The following SGK1 variants were observed in gnomAD, a reference collection of about 807,000 sequenced individuals.
SGK1 encodes serum/glucocorticoid regulated kinase 1.
Under a neutral mutation model 64.2 loss-of-function variants are expected in SGK1, and 26 were observed. The observed-to-expected ratio is 0.40, with a 90% CI of 0.30 to 0.56. SGK1 has a LOEUF of 0.56. SGK1 is among the 20% of genes least tolerant of loss of function. SGK1 has a pLI of 0.38. For synonymous variants in SGK1, 265 were observed against 239.7 expected (o/e 1.11, Z -0.98); for missense variants, 519 against 645.6 (o/e 0.80, Z 2.12).
intron 3 of SGK1, among the ~76,000 whole-genome samples, chr6:134,193,396 A>G (rs1308354707): frequency 6.6e-6 from 1 of 152,132 alleles, no homozygotes; most frequent in Non-Finnish European, 1.5e-5. Context: ...ACATCACATA[A>G]CTTCTAAATA....
At chr6:134,276,642 G>A (rs1484165506) in intron 1 of SGK1, among the ~76,000 whole-genome samples, 1 of 152,150 alleles carries the variant, frequency 6.6e-6, no homozygotes, top group African/African-American at 2.4e-5. Flanking sequence ...AAGCATCCTA[G>A]GTTAGAGGAA....
chr6:134,260,664 C>A (rs1315836169), intron 2 of SGK1: 13 of 54,762 alleles, frequency 2.4e-4, no homozygotes, highest in African/African-American at 7.8e-4. Flanking sequence ...AAGAGTGAAA[C>A]TCAAAAAAAA....
chr6:134,192,484 A>G (rs948725809), intron 3 of SGK1, among the ~76,000 whole-genome samples: 1 of 152,144 alleles, frequency 6.6e-6, no homozygotes, highest in Non-Finnish European at 1.5e-5. Context: ...ATCAACTTCA[A>G]TCAACTCTCT....
intron 4 of SGK1, 104 bp from the exon 5 acceptor site, chr6:134,174,184 C>G: frequency 1.2e-6 from 1 of 800,960 alleles, no homozygotes; most frequent in Non-Finnish European, 2.1e-6. Flanking sequence ...CCGGATAATT[C>G]ACTGTTTAAA....
intron 3 of SGK1, among the ~76,000 whole-genome samples, chr6:134,199,495 G>T (rs1775647907): frequency 6.7e-6 from 1 of 149,464 alleles, no homozygotes; most frequent in African/African-American, 2.5e-5. Context: ...AAAGGCGGAG[G>T]TTGCAGTGAG....
At chr6:134,209,204 C>A (rs1384954785) in intron 2 of SGK1, among the ~76,000 whole-genome samples, 1 of 152,076 alleles carries the variant, frequency 6.6e-6, no homozygotes, top group Non-Finnish European at 1.5e-5. Flanking sequence ...GAGGCCGAGG[C>A]GGGCGGATCA....
intron 3 of SGK1, among the ~76,000 whole-genome samples, chr6:134,183,689 T>C (rs976225918): frequency 4.6e-5 from 7 of 152,134 alleles, no homozygotes. Flanking sequence ...AGGAATGTGC[T>C]GGAAAGTCTT....
At chr6:134,305,276 T>C (rs536654322) in intron 1 of SGK1, among the ~76,000 whole-genome samples, 1 of 148,714 alleles carries the variant, frequency 6.7e-6, no homozygotes, top group East Asian at 2.0e-4. Flanking sequence ...CAAGAATCAC[T>C]TGAACCCCAG....
intron 3 of SGK1, among the ~76,000 whole-genome samples, chr6:134,178,730 A>G (rs181830134): frequency 2.0e-5 from 3 of 152,276 alleles, no homozygotes; most frequent in Non-Finnish European, 2.9e-5. Context: ...CTGAGGTTCT[A>G]TTGGTCCAGG....
intron 2 of SGK1, among the ~76,000 whole-genome samples, chr6:134,245,772 C>T (rs1044986460): frequency 6.6e-6 from 1 of 152,148 alleles, no homozygotes; most frequent in South Asian, 2.1e-4. Context: ...AAGTGGATAG[C>T]TTGAGCCCAG....
intron 1 of SGK1, among the ~76,000 whole-genome samples, chr6:134,316,743 CAAAAAAA>C (rs141130901): frequency 1.4e-3 from 57 of 39,336 alleles, no homozygotes; most frequent in African/African-American, 5.1e-3. Flanking sequence ...TGCTCTCTCC[CAAAAAAA>C]AAAAAAAAAA....
intron 4 of SGK1, 120 bp from the exon 5 acceptor site, chr6:134,174,200 AAT>A: frequency 2.9e-6 from 2 of 679,534 alleles, no homozygotes; most frequent in Non-Finnish European, 2.6e-6. Flanking sequence ...TTAAACTGAA[AAT>A]ACCCCAATAC....
At chr6:134,303,966 C>T (rs6909876) in intron 1 of SGK1, among the ~76,000 whole-genome samples, 79,201 of 151,950 alleles carry the variant, frequency 0.52, 21,317 homozygotes, top group East Asian at 0.9. Context: ...CTATATGACA[C>T]CCAGGACTCG....
At chr6:134,174,627 C>T in intron 3 of SGK1, 41 bp from the exon 4 acceptor site, 2 of 1,606,364 alleles carry the variant, frequency 1.2e-6, no homozygotes, top group Non-Finnish European at 1.7e-6. Flanking sequence ...GTTTAGACGG[C>T]TTCATAACGT....
chr6:134,265,640 A>G (rs1178484042), intron 1 of SGK1, among the ~76,000 whole-genome samples: 2 of 147,106 alleles, frequency 1.4e-5, no homozygotes, highest in Non-Finnish European at 3.0e-5. Context: ...ATACATATAT[A>G]TATACACAGA....
intron 3 of SGK1, among the ~76,000 whole-genome samples, chr6:134,190,713 T>C (rs1775496947): frequency 6.6e-6 from 1 of 152,192 alleles, no homozygotes; most frequent in South Asian, 2.1e-4. Flanking sequence ...CCTTGCAAAA[T>C]CCCTCAGGAC....
intron 4 of SGK1, 112 bp from the exon 5 acceptor site, chr6:134,174,192 A>C (rs1265677170): frequency 2.7e-6 from 2 of 745,384 alleles, no homozygotes; most frequent in Non-Finnish European, 4.6e-6. Context: ...TTCACTGTTT[A>C]AACTGAAAAT....
chr6:134,211,272 ATATTT>A (rs1159262088), intron 2 of SGK1, among the ~76,000 whole-genome samples: 1 of 152,216 alleles, frequency 6.6e-6, no homozygotes, highest in African/African-American at 2.4e-5. Flanking sequence ...TAAGTGGTCT[ATATTT>A]TATAAGTGGA....
Position 134,262,153 on chromosome 6 carries a change from A to G in SGK1, c.70-5T>C. On this transcript the variant is annotated splice_polypyrimidine_tract_variant and splice_region_variant and intron_variant, in intron 1 of 13. Coordinates refer to ENST00000367858, the MANE Select transcript of SGK1 (RefSeq NM_001143676.3). ...GCTCTTGATCCACCTTCGTACCTGC[A>G]ATGTGCAAAAGGAAAGAAAAAACAA... The G allele has an allele frequency of 1.3e-6, 2 of 1,561,558 alleles. No individual in the cohort carries two copies. Among genetic ancestry groups the G allele is most frequent in the Non-Finnish European group, 1.7e-6 (2 of 1,149,236 alleles).
Sources: gnomAD v4.1 joint callset for allele counts (sites outside exome capture counted in the v4.1 genomes callset) on GRCh38, gnomAD v4.1.1 for gene constraint, MANE v1.5 for transcripts, NCBI Gene and HGNC (gene_info 2026-07-23, HGNC 2026-07-21) for gene names.